The following PHC3 variants were observed in gnomAD, a reference collection of about 807,000 sequenced individuals.
PHC3 encodes the protein polyhomeotic homolog 3.
PHC3 carries 13 observed loss-of-function variants against 107.4 expected under a neutral mutation model. The observed-to-expected ratio is 0.12, with a 90% CI of 0.08 to 0.19. The LOEUF (loss-of-function observed/expected upper bound fraction) is 0.19, where lower values mean the gene tolerates loss of function less well. Ranked by LOEUF, PHC3 falls within the 10% of genes least tolerant of loss-of-function variation. The pLI is 1.00. For synonymous variants in PHC3, 456 were observed against 427.4 expected (o/e 1.07, Z -0.83); for missense variants, 992 against 1,210.9 (o/e 0.82, Z 2.68).
At chr3:170,123,520 T>C (rs1720756414) in intron 8 of PHC3, among the ~76,000 whole-genome samples, 1 of 152,140 alleles carries the variant, frequency 6.6e-6, no homozygotes, top group African/African-American at 2.4e-5. Flanking sequence ...CCAGGTGCAG[T>C]GGCTCGTGCC....
chr3:170,178,498 C>G (rs920297371), intron 2 of PHC3, among the ~76,000 whole-genome samples: 1 of 152,186 alleles, frequency 6.6e-6, no homozygotes, highest in Non-Finnish European at 1.5e-5. Context: ...TCTTCCACCA[C>G]GGAATGAGGC....
rs757365582 is a variant in PHC3, at chr3:170,095,523, T to C, written c.*1707A>G. The C allele has an allele frequency of 9.2e-5, 14 of 152,104 alleles. No individual in the cohort carries two copies. The highest frequency in any genetic ancestry group is 1.3e-4 in the Non-Finnish European group (9 of 68,018). 9.4% of individuals were successfully genotyped at this position (152,104 alleles called of 1,614,324 possible). A position where few individuals can be genotyped will look rare whatever the true frequency, so the allele number is the denominator to read the frequency against. ...CAAAAGATAAATATAGTATCTGTGATGTCTTCAGTGACATCTTTAGTCTTC... is the reference window on the plus strand; with the variant it reads ...CAAAAGATAAATATAGTATCTGTGACGTCTTCAGTGACATCTTTAGTCTTC... On this transcript the variant is annotated 3_prime_UTR_variant, in exon 15 of 15. Coordinates refer to ENST00000495893, the MANE Select transcript of PHC3 (RefSeq NM_024947.4).
intron 10 of PHC3, among the ~76,000 whole-genome samples, chr3:170,113,927 G>GT (rs961623019): frequency 2.5e-4 from 38 of 149,160 alleles, no homozygotes; most frequent in East Asian, 7.8e-4. Flanking sequence ...TAAGAGTTGG[G>GT]TTTTTTTTTT....
At chr3:170,120,726 G>A (rs572882240) in intron 9 of PHC3, among the ~76,000 whole-genome samples, 1 of 151,942 alleles carries the variant, frequency 6.6e-6, no homozygotes, top group Non-Finnish European at 1.5e-5. Context: ...GGGAATAGAA[G>A]CTCGAGAGAA....
At position 170,095,380 on chromosome 3, in the gene PHC3, T is replaced by C. The variant is rs1714522612; in HGVS notation, c.*1850A>G. ...TCAGTAAACATCTTTTTTTAAAACA[T>C]TACTACACAAAGAATTCCACAAAGC... On this transcript the variant is annotated 3_prime_UTR_variant, in exon 15 of 15. Coordinates refer to ENST00000495893, the MANE Select transcript of PHC3 (RefSeq NM_024947.4). 1 of 152,068 alleles carries C rather than the reference T, an allele frequency of 6.6e-6. No individual in the cohort carries two copies. The highest frequency in any genetic ancestry group is 1.5e-5 in the Non-Finnish European group (1 of 67,996). 9.4% of individuals were successfully genotyped at this position (152,068 alleles called of 1,614,324 possible). A position where few individuals can be genotyped will look rare whatever the true frequency, so the allele number is the denominator to read the frequency against.
In PHC3 at chr3:170,111,304, AGG is replaced by A. The variant is rs1717634608; in HGVS notation, c.2353+2054_2353+2055del. 6.3e-5 allele frequency among the ~76,000 whole-genome samples: 9 copies of A among 143,578 alleles called. No homozygotes were observed. In the Admixed American group the frequency reaches 6.3e-4, roughly 10 times the overall value. The allele number at this position is 143,578 out of a possible 152,430, so 94.2% of individuals were successfully genotyped here. Reference sequence around the variant, plus strand: ...AAGGAAGGAAGGAAGGAAGGAAGGAAGGAAGGAAGGAAGGAACGAACGAACGA... The same window carrying A: ...AAGGAAGGAAGGAAGGAAGGAAGGAAAAGGAAGGAAGGAACGAACGAACGA... On this transcript the variant is annotated intron_variant, in intron 11 of 14. Coordinates refer to ENST00000495893, the MANE Select transcript of PHC3 (RefSeq NM_024947.4).
In PHC3 at chr3:170,178,905, T is replaced by C; in HGVS notation, c.48A>G (p.Glu16=). Reference sequence around the variant, plus strand: ...ACACAGAAGATGTTCCCGGGTTTGGTTCAGTATCCATAGCTGTACTATGGT... The same window carrying C: ...ACACAGAAGATGTTCCCGGGTTTGGCTCAGTATCCATAGCTGTACTATGGT... The part of the protein sequence containing the change: ...FKDHSTAMDT[E]PNPGTSSVST... Residue 16 remains glutamate (E), a synonymous_variant, in exon 2 of 15, where the codon GAA becomes GAG. Coordinates refer to ENST00000495893, the MANE Select transcript of PHC3 (RefSeq NM_024947.4). The C allele has an allele frequency of 6.2e-7, 1 of 1,613,912 alleles. No individual in the cohort carries two copies. Among genetic ancestry groups the C allele is most frequent in the Non-Finnish European group, 8.5e-7 (1 of 1,179,844 alleles).
intron 9 of PHC3, among the ~76,000 whole-genome samples, chr3:170,119,879 A>G (rs1016712185): frequency 3.9e-5 from 6 of 152,182 alleles, no homozygotes. Context: ...CAAATATTAC[A>G]GAAGAGTAAT....
At chr3:170,122,294 G>A (rs150817990) in intron 9 of PHC3, among the ~76,000 whole-genome samples, 16 of 152,008 alleles carry the variant, frequency 1.1e-4, no homozygotes, top group Non-Finnish European at 1.6e-4. Flanking sequence ...TAACAAATTC[G>A]TTTAATATTA....
At chr3:170,141,915 T>TA (rs1724182766) in intron 6 of PHC3, among the ~76,000 whole-genome samples, 1 of 152,230 alleles carries the variant, frequency 6.6e-6, no homozygotes. Context: ...GTAAATTCTT[T>TA]AAGTGGTTGC....
chr3:170,148,963 T>G lies in PHC3; in HGVS notation c.573+123A>C, dbSNP rs1725456510. ...TACAAGAGCTGAAGGCACGCCCGCATGCACACACACACAATTAAACATTTC... is the reference window on the plus strand; with the variant it reads ...TACAAGAGCTGAAGGCACGCCCGCAGGCACACACACACAATTAAACATTTC... On this transcript the variant is annotated intron_variant, in intron 5 of 14. Coordinates refer to ENST00000495893, the MANE Select transcript of PHC3 (RefSeq NM_024947.4). 4.2e-6 allele frequency: 4 copies of G among 957,602 alleles called. No homozygotes were observed. In the South Asian group the frequency reaches 5.3e-5, roughly 13 times the overall value. 59.3% of individuals were successfully genotyped at this position (957,602 alleles called of 1,614,324 possible). A position where few individuals can be genotyped will look rare whatever the true frequency, so the allele number is the denominator to read the frequency against.
intron 4 of PHC3, among the ~76,000 whole-genome samples, chr3:170,158,449 A>G (rs1027514292): frequency 2.6e-5 from 4 of 151,944 alleles, no homozygotes; most frequent in African/African-American, 9.7e-5. Context: ...AAAAATACAA[A>G]AAATTAGCTG....
intron 7 of PHC3, 25 bp from the exon 8 acceptor site, chr3:170,129,577 A>T: frequency 6.4e-7 from 1 of 1,573,520 alleles, no homozygotes; most frequent in Non-Finnish European, 8.6e-7. Context: ...AATGACAATT[A>T]GTACTGATTT....
intron 7 of PHC3, among the ~76,000 whole-genome samples, chr3:170,134,353 C>A (rs915349371): frequency 2.6e-4 from 39 of 151,930 alleles, no homozygotes; most frequent in Non-Finnish European, 4.9e-4. Flanking sequence ...CTACGCACGG[C>A]TAATTTTTGT....
chr3:170,143,833 CCAAT>C (rs953268903), intron 6 of PHC3, among the ~76,000 whole-genome samples: 14 of 152,106 alleles, frequency 9.2e-5, no homozygotes, highest in Admixed American at 7.9e-4. Context: ...ATGCCCCTTC[CCAAT>C]CAATCTCCTC....
intron 12 of PHC3, 92 bp from the exon 13 acceptor site, chr3:170,103,026 G>C: frequency 8.2e-7 from 1 of 1,220,218 alleles, no homozygotes; most frequent in Non-Finnish European, 1.2e-6. Context: ...CTGTGAATCA[G>C]TAAGTACCAC....
chr3:170,128,932 G>A lies in PHC3; in HGVS notation c.1540C>T (p.Pro514Ser), dbSNP rs1228485588. ...LQSSPIPIAS[P>S]PQMSTSPPAQ... is the part of the protein sequence containing the mutation. Reference sequence around the variant, plus strand: ...GGAGGAGATGTCGACATCTGTGGAGGACTTGCAATTGGGATTGGAGAGGAC... The same window carrying A: ...GGAGGAGATGTCGACATCTGTGGAGAACTTGCAATTGGGATTGGAGAGGAC... The change falls in exon 8 of 15, where the codon CCT becomes TCT. Residue 514 changes from proline (P) to serine (S), a missense_variant. Pro to Ser is a moderately conservative substitution (Grantham distance 74, BLOSUM62 -1). Coordinates refer to ENST00000495893, the MANE Select transcript of PHC3 (RefSeq NM_024947.4). The A allele has an allele frequency of 6.2e-7, 1 of 1,614,024 alleles. No homozygotes were observed. Among genetic ancestry groups the A allele is most frequent in the African/African-American group, 1.3e-5 (1 of 75,064 alleles).
At position 170,129,002 on chromosome 3, in the gene PHC3, G is replaced by C. The variant is rs367953073; in HGVS notation, c.1470C>G (p.Gly490=). The change falls in exon 8 of 15, where the codon GGC becomes GGG. Residue 490 remains glycine, a synonymous_variant. Transcript: ENST00000495893. ...PVQQSALVSP[G]QQIVSPSHQQ... ...GGTGTGATGGAGAGACAATCTGCTG[G>C]CCTGGGGATACCAAGGCAGACTGCT... 6.2e-7 allele frequency: 1 copy of C among 1,613,666 alleles called. No individual in the cohort carries two copies. The highest frequency in any genetic ancestry group is 8.5e-7 in the Non-Finnish European group (1 of 1,179,780).
chr3:170,126,504 G>GTATGTATATATA (rs1721261763), intron 8 of PHC3, among the ~76,000 whole-genome samples: 1 of 117,322 alleles, frequency 8.5e-6, no homozygotes, highest in African/African-American at 3.5e-5. Context: ...TGCTCCATAT[G>GTATGTATATATA]TATATATATA....
Sources: allele counts gnomAD v4.1 joint callset (sites outside exome capture counted in the v4.1 genomes callset), GRCh38; gene constraint gnomAD v4.1.1; transcripts MANE v1.5; gene names NCBI Gene and HGNC (gene_info 2026-07-23, HGNC 2026-07-21).